Variants in LRRC8B observed in about 807,000 individuals in gnomAD.
LRRC8B encodes the protein leucine rich repeat containing 8 VRAC subunit B.
In LRRC8B, 23 loss-of-function variants were observed where a neutral mutation model predicts 58.8. The ratio of observed to expected loss-of-function variants is 0.39; its 90% CI spans 0.28 to 0.55. LRRC8B has a LOEUF of 0.55. Among genes scored for constraint, LRRC8B ranks in the 20% least tolerant of loss-of-function variants. LRRC8B has a pLI of 0.62. For missense variants in LRRC8B, 694 were observed against 936.0 expected (o/e 0.74, Z 3.37); for synonymous variants, 359 against 374.1 (o/e 0.96, Z 0.47).
rs1216200246 is a variant in LRRC8B at position 89,583,117 on chromosome 1, T to C, written c.467T>C (p.Leu156Pro). 1 of 1,614,074 alleles carries C rather than the reference T, an allele frequency of 6.2e-7. No individual in the cohort carries two copies. The highest frequency in any genetic ancestry group is 8.5e-7 in the Non-Finnish European group (1 of 1,180,052). Residue 156 changes from leucine (L) to proline (P), a missense_variant, in exon 5 of 6, where the codon CTT becomes CCT. Physicochemically the swap from Leu to Pro is moderately conservative, Grantham distance 98. Coordinates refer to ENST00000330947, the MANE Select transcript of LRRC8B (RefSeq NM_001369817.2). This position sits in a 1 kb window ranked among gnomAD's most constrained non-coding sequence, Gnocchi z 5.2. ...AGGCTCGAGCATTTTGTGGCCATCC[T>C]TCACAAGTGCTTCGATTCTCCATGG... ...SSRLEHFVAI[L>P]HKCFDSPWTT...
chr1:89,547,824 G>A (rs913251712), intron 1 of LRRC8B, among the ~76,000 whole-genome samples: 1 of 152,128 alleles, frequency 6.6e-6, no homozygotes, highest in African/African-American at 2.4e-5. Context: ...GAGGGGGTGC[G>A]GGGCATTCAT....
chr1:89,550,990 C>T (rs1651763966), intron 1 of LRRC8B, among the ~76,000 whole-genome samples: 1 of 152,208 alleles, frequency 6.6e-6, no homozygotes, highest in East Asian at 1.9e-4. Flanking sequence ...CAATTCAAGC[C>T]ATACTCTCAT....
intron 3 of LRRC8B, among the ~76,000 whole-genome samples, chr1:89,571,853 G>A (rs1653497080): frequency 1.3e-5 from 2 of 151,956 alleles, no homozygotes; most frequent in Non-Finnish European, 2.9e-5. Flanking sequence ...GTACCATGTG[G>A]CAATGGCATT....
At position 89,534,129 on chromosome 1, in the gene LRRC8B, T is replaced by A. The variant is rs115424750; in HGVS notation, c.-241+9107T>A. Reference sequence around the variant, plus strand: ...GGCTCTTCTTGGCTTTCAAGTAGTTTATAACAGTATCTCTGAATGTTTTTG... The same window carrying A: ...GGCTCTTCTTGGCTTTCAAGTAGTTAATAACAGTATCTCTGAATGTTTTTG... On this transcript the variant is annotated intron_variant, in intron 1 of 5. Transcript: ENST00000330947. Among the ~76,000 whole-genome samples the A allele has an allele frequency of 5.7e-3, 868 of 152,364 alleles. 9 individuals carry two copies. The highest frequency in any genetic ancestry group is 0.019 in the African/African-American group (796 of 41,590).
chr1:89,526,614 G>C (rs1649719164), intron 1 of LRRC8B, among the ~76,000 whole-genome samples: 1 of 152,108 alleles, frequency 6.6e-6, no homozygotes, highest in African/African-American at 2.4e-5. Context: ...AAGGTAATTG[G>C]GCCTGTGTAA....
Position 89,584,445 on chromosome 1 carries a change from C to T in LRRC8B, c.1795C>T (p.Arg599Cys), listed in dbSNP as rs764304785. 3.7e-6 allele frequency: 6 copies of T among 1,613,950 alleles called. No individual in the cohort carries two copies. The highest frequency in any genetic ancestry group is 1.3e-5 in the African/African-American group (1 of 74,896). ...SLELISCDLE[R>C]IPHSIFSLNN... ...AGAACTGATCAGCTGTGACCTGGAA[C>T]GCATCCCACATTCCATTTTCAGCCT... The change falls in exon 5 of 6, where the codon CGC becomes TGC. Residue 599 changes from arginine to cysteine, a missense_variant. This residue lies in a region of LRRC8B where 53 missense variants were observed against 112.3 expected (regional missense o/e 0.47). Transcript: ENST00000330947.
intron 1 of LRRC8B, among the ~76,000 whole-genome samples, chr1:89,552,544 G>A (rs1433604108): frequency 1.3e-5 from 2 of 152,160 alleles, no homozygotes; most frequent in African/African-American, 4.8e-5. Context: ...TCTGGTTTTA[G>A]AGAGCTTATA....
chr1:89,576,001 CAAAAG>C (rs1570628610), intron 3 of LRRC8B, among the ~76,000 whole-genome samples: 1 of 152,174 alleles, frequency 6.6e-6, no homozygotes, highest in Non-Finnish European at 1.5e-5. Context: ...ACACATTAAA[CAAAAG>C]AAAACTGCTT....
chr1:89,561,214 G>A (rs1055973416), intron 1 of LRRC8B, among the ~76,000 whole-genome samples: 141 of 151,194 alleles, frequency 9.3e-4, no homozygotes, highest in Middle Eastern at 3.5e-3. Flanking sequence ...CATGTCCTTC[G>A]CCCACTTTTT....
chr1:89,557,978 T>C lies in LRRC8B; in HGVS notation c.-240-10269T>C, dbSNP rs566327318. Among the ~76,000 whole-genome samples the C allele has an allele frequency of 6.6e-5, 10 of 152,220 alleles. No homozygotes were observed. In the East Asian group the frequency reaches 1.9e-3, roughly 29 times the overall value. On this transcript the variant is annotated intron_variant, in intron 1 of 5. Coordinates refer to ENST00000330947, the MANE Select transcript of LRRC8B (RefSeq NM_001369817.2). ...TCAAGAAAACTTCTGTAAAAATGCCTAGTATCTGTAAGCATAGACACCAGT... is the reference window on the plus strand; with the variant it reads ...TCAAGAAAACTTCTGTAAAAATGCCCAGTATCTGTAAGCATAGACACCAGT...
At chr1:89,559,426 C>T (rs1431947931) in intron 1 of LRRC8B, among the ~76,000 whole-genome samples, 2 of 151,894 alleles carry the variant, frequency 1.3e-5, no homozygotes, top group South Asian at 2.1e-4. Context: ...GGGACAATTG[C>T]TTGTGTCCAG....
chr1:89,539,041 A>C (rs903440122), intron 1 of LRRC8B, among the ~76,000 whole-genome samples: 18 of 152,170 alleles, frequency 1.2e-4, no homozygotes, highest in African/African-American at 4.3e-4. Context: ...TTTTTAATAC[A>C]TCTGGCTTTA....
Position 89,592,979 on chromosome 1 carries a change from A to G in LRRC8B, c.2348A>G (p.Asn783Ser). The part of the protein sequence containing the change: ...LKRNCLIVEE[N>S]LLNTLPLPVT... ...CGGAACTGTCTGATTGTTGAGGAGA[A>G]CTTGCTCAATACTCTTCCTCTCCCT... Residue 783 changes from asparagine (N) to serine (S), a missense_variant, in exon 6 of 6, where the codon AAC becomes AGC. Coordinates refer to ENST00000330947, the MANE Select transcript of LRRC8B (RefSeq NM_001369817.2). The G allele has an allele frequency of 1.9e-6, 3 of 1,614,034 alleles. No homozygotes were observed. The highest frequency in any genetic ancestry group is 2.5e-6 in the Non-Finnish European group (3 of 1,179,870).
intron 1 of LRRC8B, among the ~76,000 whole-genome samples, chr1:89,558,335 C>T (rs543419131): frequency 6.6e-5 from 10 of 152,318 alleles, no homozygotes; most frequent in Admixed American, 6.5e-4. Flanking sequence ...GAGATCACCA[C>T]TCTTTCCCCT....
intron 4 of LRRC8B, among the ~76,000 whole-genome samples, chr1:89,580,646 G>A (rs114073080): frequency 0.017 from 2,609 of 152,246 alleles, 84 homozygotes; most frequent in African/African-American, 0.058. Flanking sequence ...AGGTGAGGCA[G>A]AATGAGAAGA....
At chr1:89,528,915 C>G (rs1649899069) in intron 1 of LRRC8B, among the ~76,000 whole-genome samples, 1 of 152,102 alleles carries the variant, frequency 6.6e-6, no homozygotes, top group Non-Finnish European at 1.5e-5. Context: ...ATGTCATTGC[C>G]TAGAACTTAG....
intron 1 of LRRC8B, among the ~76,000 whole-genome samples, chr1:89,554,518 G>T (rs913406461): frequency 6.6e-6 from 1 of 152,050 alleles, no homozygotes; most frequent in African/African-American, 2.4e-5. Context: ...GACACCTTTC[G>T]ATTGCCTTCA....
At position 89,557,021 on chromosome 1, in the gene LRRC8B, G is replaced by A. The variant is rs542396198; in HGVS notation, c.-240-11226G>A. On this transcript the variant is annotated intron_variant, in intron 1 of 5. Transcript: ENST00000330947. ...TGGCACAGTGAGCCAGAGATTGTGC[G>A]CATTCTGTTTTTGTCTTTTTCCAAA... Among the ~76,000 whole-genome samples the A allele has an allele frequency of 1.7e-4, 26 of 152,298 alleles. 1 individual carries two copies. Among genetic ancestry groups the A allele is most frequent in the East Asian group, 1.2e-3 (6 of 5,186 alleles).
intron 1 of LRRC8B, among the ~76,000 whole-genome samples, chr1:89,559,858 G>A (rs1652489751): frequency 1.3e-5 from 2 of 152,100 alleles, no homozygotes; most frequent in African/African-American, 4.8e-5. Context: ...AAAGAGACCA[G>A]TTTATGAGTT....
Sources: gnomAD v4.1 joint callset for allele counts (sites outside exome capture counted in the v4.1 genomes callset) on GRCh38, gnomAD v4.1.1 for gene constraint, gnomAD v4.1.1 regional missense constraint, Gnocchi (gnomAD v3.1) non-coding constraint, MANE v1.5 for transcripts, NCBI Gene and HGNC (gene_info 2026-07-23, HGNC 2026-07-21) for gene names.